The following ARHGAP15 variants were observed in gnomAD, a reference collection of about 807,000 sequenced individuals.
ARHGAP15 encodes the protein rho GTPase-activating protein 15.
A neutral mutation model predicts 63.7 loss-of-function variants in ARHGAP15; 51 were observed. The observed-to-expected ratio is 0.80, with a 90% CI of 0.64 to 1.01. The LOEUF is 1.01. Ranked by LOEUF, ARHGAP15 falls within the 50% of genes least tolerant of loss-of-function variation. ARHGAP15 has a pLI of 0.00. For synonymous variants in ARHGAP15, 191 were observed against 193.8 expected, an observed-to-expected ratio of 0.99 and a Z score of 0.12; for missense variants, 560 against 564.6, an observed-to-expected ratio of 0.99 and a Z score of 0.08.
At chr2:143,270,688 T>A (rs1223873932) in intron 6 of ARHGAP15, among the ~76,000 whole-genome samples, 1 of 152,196 alleles carries the variant, frequency 6.6e-6, no homozygotes, top group African/African-American at 2.4e-5. Flanking sequence ...TTTAGTTATT[T>A]TAAACATATA....
At chr2:143,601,345 T>A (rs900044228) in intron 11 of ARHGAP15, among the ~76,000 whole-genome samples, 5 of 152,164 alleles carry the variant, frequency 3.3e-5, no homozygotes, top group Non-Finnish European at 5.9e-5. Flanking sequence ...GGAGTAGACA[T>A]GATAGCAAGG....
chr2:143,709,254 A>AG (rs1224602031), intron 13 of ARHGAP15, among the ~76,000 whole-genome samples: 1 of 152,192 alleles, frequency 6.6e-6, no homozygotes, highest in African/African-American at 2.4e-5. Flanking sequence ...CAAATTTGTG[A>AG]GGGGGGTGTA....
At chr2:143,130,317 G>A (rs1688871396) in intron 1 of ARHGAP15, among the ~76,000 whole-genome samples, 1 of 151,996 alleles carries the variant, frequency 6.6e-6, no homozygotes, top group African/African-American at 2.4e-5. Flanking sequence ...TTTGTGTGCT[G>A]TAACATATGT....
intron 6 of ARHGAP15, among the ~76,000 whole-genome samples, chr2:143,418,724 A>C (rs1305903459): frequency 3.3e-5 from 5 of 152,220 alleles, no homozygotes; most frequent in African/African-American, 1.2e-4. Flanking sequence ...TTGTCCCATG[A>C]ACAATGTGGA....
At chr2:143,400,251 A>G (rs1043040876) in intron 6 of ARHGAP15, among the ~76,000 whole-genome samples, 5 of 152,060 alleles carry the variant, frequency 3.3e-5, no homozygotes, top group Non-Finnish European at 7.4e-5. Context: ...TATTTTAAGG[A>G]ATTTAGGCTT....
intron 8 of ARHGAP15, among the ~76,000 whole-genome samples, chr2:143,452,657 A>ATTT (rs377089210): frequency 8.0e-5 from 11 of 137,022 alleles, no homozygotes; most frequent in African/African-American, 2.4e-4. Flanking sequence ...GCCCCTTTGG[A>ATTT]TTTTTTTTTT....
intron 6 of ARHGAP15, among the ~76,000 whole-genome samples, chr2:143,405,775 C>A (rs1006759782): frequency 1.1e-4 from 16 of 151,826 alleles, no homozygotes; most frequent in African/African-American, 3.9e-4. Context: ...TCATTTCTAC[C>A]AGGACCCTAG....
intron 12 of ARHGAP15, among the ~76,000 whole-genome samples, chr2:143,658,403 C>G (rs1370654628): frequency 6.6e-6 from 1 of 152,194 alleles, no homozygotes; most frequent in Middle Eastern, 3.2e-3. Flanking sequence ...CAGAATTAAA[C>G]TTTCCTAATT....
intron 10 of ARHGAP15, among the ~76,000 whole-genome samples, chr2:143,526,655 A>G (rs543517534): frequency 5.9e-5 from 9 of 152,290 alleles, no homozygotes; most frequent in Admixed American, 2.0e-4. Flanking sequence ...CATAAAAATA[A>G]TCTTGGCTGA....
chr2:143,708,778 C>T (rs1326804925), intron 13 of ARHGAP15, among the ~76,000 whole-genome samples: 2 of 152,258 alleles, frequency 1.3e-5, no homozygotes, highest in African/African-American at 4.8e-5. Context: ...TAATAGACTT[C>T]TAGTTCCCTT....
intron 11 of ARHGAP15, chr2:143,606,860 T>A (rs1698055925): frequency 6.6e-6 from 1 of 152,190 alleles, no homozygotes; most frequent in Admixed American, 6.6e-5. Context: ...TTGCCTCTTC[T>A]GAATGGGTAT....
At chr2:143,519,560 ATGTTCTTTTTTGTTT>A in intron 10 of ARHGAP15, 196 bp downstream of exon 10, 1 of 415,860 alleles carries the variant, frequency 2.4e-6, no homozygotes, top group Non-Finnish European at 4.5e-6. Context: ...ATTCTCACTA[ATGTTCTTTTTTGTTT>A]TTAATATTTT....
chr2:143,740,422 C>T (rs1685918208), intron 13 of ARHGAP15, among the ~76,000 whole-genome samples: 1 of 152,128 alleles, frequency 6.6e-6, no homozygotes, highest in Non-Finnish European at 1.5e-5. Context: ...TTCCCTTGAG[C>T]CATTACACAT....
At chr2:143,660,802 G>T (rs918662326) in intron 12 of ARHGAP15, among the ~76,000 whole-genome samples, 5 of 152,152 alleles carry the variant, frequency 3.3e-5, no homozygotes, top group Admixed American at 6.5e-5. Context: ...AGTTTGTGAT[G>T]GCCAGCAAAT....
At chr2:143,318,317 C>T (rs1683821936) in intron 6 of ARHGAP15, among the ~76,000 whole-genome samples, 1 of 151,968 alleles carries the variant, frequency 6.6e-6, no homozygotes, top group South Asian at 2.1e-4. Flanking sequence ...ATAAAACTTT[C>T]ACACAGTCAG....
At chr2:143,158,406 A>G (rs1259443420) in intron 2 of ARHGAP15, among the ~76,000 whole-genome samples, 1 of 151,944 alleles carries the variant, frequency 6.6e-6, no homozygotes, top group East Asian at 1.9e-4. Context: ...TTTACTTGCT[A>G]AGTTAGAAAT....
At chr2:143,391,980 T>C (rs1687555660) in intron 6 of ARHGAP15, among the ~76,000 whole-genome samples, 1 of 152,126 alleles carries the variant, frequency 6.6e-6, no homozygotes, top group South Asian at 2.1e-4. Flanking sequence ...ACACATAGGC[T>C]ATCCAAGAGA....
intron 10 of ARHGAP15, among the ~76,000 whole-genome samples, chr2:143,520,517 C>T (rs1244764095): frequency 6.6e-6 from 1 of 151,976 alleles, no homozygotes; most frequent in East Asian, 1.9e-4. Flanking sequence ...GAGAGAAGAG[C>T]AGAGAGTACA....
chr2:143,210,950 T>G lies in ARHGAP15; in HGVS notation c.235-5434T>G, dbSNP rs549326009. 4.0e-5 allele frequency among the ~76,000 whole-genome samples: 6 copies of G among 151,546 alleles called. No homozygotes were observed. The South Asian group carries it at 8.3e-4, about 21-fold the overall frequency. On this transcript the variant is annotated intron_variant, in intron 3 of 13. Coordinates refer to ENST00000295095, the MANE Select transcript of ARHGAP15 (RefSeq NM_018460.4). ...TTTACATCAGACAAAAACATCATAC[T>G]GAATCTATGTCTAAAGGCATAATAT...
Sources: allele counts gnomAD v4.1 joint callset (sites outside exome capture counted in the v4.1 genomes callset), GRCh38; gene constraint gnomAD v4.1.1; transcripts MANE v1.5; gene names NCBI Gene and HGNC (gene_info 2026-07-23, HGNC 2026-07-21).